THPO: variants seen among roughly 807,000 people sequenced by gnomAD.
The protein encoded by THPO is MPL ligand.
Under a neutral mutation model 17.0 loss-of-function variants are expected in THPO, and 12 were observed. The observed-to-expected ratio is 0.71, with a 90% CI of 0.45 to 1.14. The LOEUF (loss-of-function observed/expected upper bound fraction) is 1.14. THPO is among the 50% of genes most tolerant of loss of function. THPO has a pLI of 0.00. For missense variants in THPO, 365 were observed against 427.5 expected (o/e 0.85, Z 1.29); for synonymous variants, 188 against 183.0 (o/e 1.03, Z -0.22).
At chr3:184,378,424 AG>A, upstream of THPO, 2 of 983,120 alleles carry the variant, frequency 2.0e-6, no homozygotes, top group Non-Finnish European at 1.2e-6. Context: ...GGAATCTGGC[AG>A]GACATTTGTG....
intron 4 of THPO, among the ~76,000 whole-genome samples, chr3:184,374,174 G>A (rs1470315213): frequency 6.6e-6 from 1 of 152,198 alleles, no homozygotes; most frequent in Non-Finnish European, 1.5e-5. Flanking sequence ...GTTGCAGTGA[G>A]TTGAGATCAT....
Position 184,375,776 on chromosome 3 carries a change from T to G in THPO, c.141+112A>C. 2.6e-6 allele frequency: 4 copies of G among 1,550,452 alleles called. No individual in the cohort carries two copies. In the Admixed American group the frequency reaches 5.0e-5, roughly 19 times the overall value. On this transcript the variant is annotated intron_variant, in intron 3 of 5. Transcript: ENST00000647395. The stretch of plus-strand genomic sequence containing the variant: ...GTGTGATCAGTAGGTGGGGACAATA[T>G]GGGAAGAATAGTCATTGGGTCAAGG...
intron 4 of THPO, 42 bp downstream of exon 4, chr3:184,375,473 G>A (rs1319797074): frequency 1.3e-6 from 2 of 1,586,266 alleles, no homozygotes; most frequent in Non-Finnish European, 1.7e-6. Flanking sequence ...GGAAACTGAA[G>A]ACAGGACTTA....
At chr3:184,377,195 G>T (rs928732984) in intron 1 of THPO, among the ~76,000 whole-genome samples, 1 of 152,002 alleles carries the variant, frequency 6.6e-6, no homozygotes, top group African/African-American at 2.4e-5. Context: ...GCTGGGGAGG[G>T]GAACTGCACA....
Position 184,372,911 on chromosome 3 carries a change from G to C in THPO, c.664C>G (p.Gln222Glu), listed in dbSNP as rs1444860716. ...RTTGSGLLKW[Q>E]QGFRAKIPGL... ...GGAATCTTGGCTCTGAATCCCTGCT[G>C]CCACTTCAGAAGCCCAGAGCCAGTA... Residue 222 changes from glutamine (Q) to glutamate (E), a missense_variant, in exon 6 of 6, where the codon CAG becomes GAG. Transcript: ENST00000647395. 1.2e-6 allele frequency: 2 copies of C among 1,614,056 alleles called. No homozygotes were observed. Among genetic ancestry groups the C allele is most frequent in the Non-Finnish European group, 1.7e-6 (2 of 1,180,034 alleles).
Position 184,372,759 on chromosome 3 carries a change from C to G in THPO, c.816G>C (p.Pro272=). Residue 272 remains proline, a synonymous_variant, in exon 6 of 6, where the codon CCG becomes CCC. Coordinates refer to ENST00000647395, the MANE Select transcript of THPO (RefSeq NM_000460.4). ...TGTCTGATGTTCCTGAGGAAATGTC[C>G]GGGGCTCCTAGGGTCCTGCGTGAGG... ...PGPSRRTLGA[P]DISSGTSDTG... 6.2e-7 allele frequency: 1 copy of G among 1,613,710 alleles called. No homozygotes were observed. The highest frequency in any genetic ancestry group is 8.5e-7 in the Non-Finnish European group (1 of 1,179,852).
In THPO at chr3:184,372,760, G is replaced by A. The variant is rs762596097; in HGVS notation, c.815C>T (p.Pro272Leu). The A allele has an allele frequency of 2.4e-5, 38 of 1,613,916 alleles. No homozygotes were observed. Among genetic ancestry groups the A allele is most frequent in the South Asian group, 8.8e-5 (8 of 91,082 alleles). ...GTCTGATGTTCCTGAGGAAATGTCC[G>A]GGGCTCCTAGGGTCCTGCGTGAGGG... is the stretch of plus-strand genomic sequence containing the variant. ...PGPSRRTLGA[P>L]DISSGTSDTG... The change falls in exon 6 of 6, where the codon CCG (proline) becomes CTG (leucine). Residue 272 changes from proline to leucine, a missense_variant. By Grantham distance (98) the Pro-to-Leu change is moderately conservative (BLOSUM62 -3). Transcript: ENST00000647395.
intron 3 of THPO, 21 bp from the exon 4 acceptor site, chr3:184,375,622 G>A: frequency 6.2e-7 from 1 of 1,612,734 alleles, no homozygotes; most frequent in Non-Finnish European, 8.5e-7. Context: ...AGATTGGTGG[G>A]GGGAGAAGGG....
chr3:184,376,441 T>G (rs1714409218), intron 1 of THPO, 37 bp from the exon 2 acceptor site: 2 of 1,495,558 alleles, frequency 1.3e-6, no homozygotes, highest in Non-Finnish European at 8.9e-7. Context: ...TTAACCAAGT[T>G]TCTAGGAAGA....
At chr3:184,378,285 C>A, upstream of THPO, 1 of 985,500 alleles carries the variant, frequency 1.0e-6, no homozygotes, top group Non-Finnish European at 1.2e-6. Flanking sequence ...GGAGCCCCTG[C>A]CTGGACCAGG....
At chr3:184,379,669 A>T (rs948814234), upstream of THPO, among the ~76,000 whole-genome samples, 2 of 152,098 alleles carry the variant, frequency 1.3e-5, no homozygotes, top group African/African-American at 2.4e-5. Context: ...AGAGCGGTCC[A>T]GGCCTCAGGC....
Position 184,372,191 on chromosome 3 carries a change from A to C in THPO, c.*322T>G. The C allele has an allele frequency of 3.1e-6, 1 of 318,638 alleles. No homozygotes were observed. The highest frequency in any genetic ancestry group is 4.5e-5 in the South Asian group (1 of 22,408). 19.7% of individuals were successfully genotyped at this position (318,638 alleles called of 1,614,324 possible). On this transcript the variant is annotated 3_prime_UTR_variant, in exon 6 of 6. Coordinates refer to ENST00000647395, the MANE Select transcript of THPO (RefSeq NM_000460.4). ...CAAGGTTAGTCTCTCCCTCTGTTCA[A>C]CTGCCAGGCCAGCCCAGGCCTTTGC...
chr3:184,372,898 C>G lies in THPO; in HGVS notation c.677G>C (p.Arg226Thr), dbSNP rs377352648. 1 of 1,613,892 alleles carries G rather than the reference C, an allele frequency of 6.2e-7. No individual in the cohort carries two copies. The highest frequency in any genetic ancestry group is 1.3e-5 in the African/African-American group (1 of 74,902). Residue 226 changes from arginine to threonine, a missense_variant, in exon 6 of 6, where the codon AGA becomes ACA. Transcript: ENST00000647395. ...SGLLKWQQGF[R>T]AKIPGLLNQT... The stretch of plus-strand genomic sequence containing the variant: ...GTTCAGCAGACCAGGAATCTTGGCT[C>G]TGAATCCCTGCTGCCACTTCAGAAG...
upstream of THPO, among the ~76,000 whole-genome samples, chr3:184,379,397 C>G (rs1714791759): frequency 6.6e-6 from 1 of 151,918 alleles, no homozygotes; most frequent in African/African-American, 2.4e-5. Context: ...GGATAAGTTA[C>G]AATGAGAGGG....
At chr3:184,375,235 A>G (rs1046880227) in intron 4 of THPO, among the ~76,000 whole-genome samples, 4 of 152,214 alleles carry the variant, frequency 2.6e-5, no homozygotes, top group Non-Finnish European at 4.4e-5. Flanking sequence ...CTTCATGCCA[A>G]TTTAAGAAGA....
At position 184,373,581 on chromosome 3, in the gene THPO, T is replaced by A; in HGVS notation, c.230A>T (p.Glu77Val). 1.2e-6 allele frequency: 2 copies of A among 1,613,686 alleles called. No individual in the cohort carries two copies. Among genetic ancestry groups the A allele is most frequent in the Non-Finnish European group, 1.7e-6 (2 of 1,179,906 alleles). ...CAGAATGTCCTGTGCCTTGGTCTCCTCCTGAGAAAGAGATGGAAGAGAGAA... is the reference window on the plus strand; with the variant it reads ...CAGAATGTCCTGTGCCTTGGTCTCCACCTGAGAAAGAGATGGAAGAGAGAA... ...FSLGEWKTQM[E>V]ETKAQDILGA... The change falls in exon 5 of 6, where the codon GAG becomes GTG. Residue 77 changes from glutamate to valine, a missense_variant and splice_region_variant. Coordinates refer to ENST00000647395, the MANE Select transcript of THPO (RefSeq NM_000460.4).
Position 184,376,016 on chromosome 3 carries a change from C to A in THPO, c.14-1G>T. Reference sequence around the variant, plus strand: ...AGAAGCATGACCACGAGGAGCAATTCTTAGATGAGGAGAGGTGAGGTTGAA... The same window carrying A: ...AGAAGCATGACCACGAGGAGCAATTATTAGATGAGGAGAGGTGAGGTTGAA... On this transcript the variant is annotated splice_acceptor_variant, in intron 2 of 5. Transcript: ENST00000647395. LOFTEE classifies it high-confidence loss of function. 6.2e-7 allele frequency: 1 copy of A among 1,613,916 alleles called. No homozygotes were observed. Among genetic ancestry groups the A allele is most frequent in the South Asian group, 1.1e-5 (1 of 91,044 alleles).
At chr3:184,379,579 C>T (rs768775990), upstream of THPO, among the ~76,000 whole-genome samples, 27 of 152,010 alleles carry the variant, frequency 1.8e-4, no homozygotes, top group Non-Finnish European at 3.5e-4. Context: ...AGGGGGAGAT[C>T]GGCTGATGGA....
chr3:184,374,856 T>C (rs933357786), intron 4 of THPO, among the ~76,000 whole-genome samples: 1 of 152,206 alleles, frequency 6.6e-6, no homozygotes, highest in African/African-American at 2.4e-5. Context: ...TGGCATGATC[T>C]CAGCTCACTA....
Sources: gnomAD v4.1 joint callset for allele counts (sites outside exome capture counted in the v4.1 genomes callset) on GRCh38, gnomAD v4.1.1 for gene constraint, MANE v1.5 for transcripts, NCBI Gene and HGNC (gene_info 2026-07-23, HGNC 2026-07-21) for gene names.